SGCZ: variants seen among roughly 807,000 people sequenced by gnomAD.
The protein encoded by SGCZ is zeta-sarcoglycan.
A neutral mutation model predicts 41.3 loss-of-function variants in SGCZ; 40 were observed. The observed-to-expected ratio is 0.97, with a 90% CI of 0.75 to 1.26. The LOEUF is 1.26. Ranked by LOEUF, SGCZ falls within the 50% of genes most tolerant of loss-of-function variation. SGCZ has a pLI of 0.00. For synonymous variants in SGCZ, 206 were observed against 137.5 expected (o/e 1.50, Z -3.49); for missense variants, 552 against 369.8 (o/e 1.49, Z -4.04).
At chr8:15,081,140 A>G (rs1805733427) in intron 1 of SGCZ, among the ~76,000 whole-genome samples, 2 of 152,150 alleles carry the variant, frequency 1.3e-5, no homozygotes, top group Non-Finnish European at 1.5e-5. Context: ...CTCATATAGT[A>G]TGCTTCTCAA....
At chr8:15,149,608 TC>T (rs1799123008) in intron 1 of SGCZ, among the ~76,000 whole-genome samples, 2 of 150,568 alleles carry the variant, frequency 1.3e-5, no homozygotes, top group African/African-American at 4.9e-5. Flanking sequence ...ATATCATTTA[TC>T]ACTTACATCA....
At chr8:15,167,322 G>A (rs1047948400) in intron 1 of SGCZ, among the ~76,000 whole-genome samples, 1 of 152,206 alleles carries the variant, frequency 6.6e-6, no homozygotes, top group Non-Finnish European at 1.5e-5. Flanking sequence ...GCCGAGAAAA[G>A]CCTCATGGAG....
intron 2 of SGCZ, among the ~76,000 whole-genome samples, chr8:14,342,053 G>A (rs959655379): frequency 1.3e-5 from 2 of 152,184 alleles, no homozygotes; most frequent in Non-Finnish European, 2.9e-5. Flanking sequence ...GGAGGGCTCA[G>A]AAGAAGACAG....
intron 1 of SGCZ, among the ~76,000 whole-genome samples, chr8:14,652,544 C>T (rs1441595291): frequency 6.6e-6 from 1 of 151,842 alleles, no homozygotes; most frequent in Non-Finnish European, 1.5e-5. Flanking sequence ...GCAATTTGTT[C>T]AGTGAATTCC....
At chr8:14,815,766 A>T (rs1801884471) in intron 1 of SGCZ, among the ~76,000 whole-genome samples, 1 of 152,222 alleles carries the variant, frequency 6.6e-6, no homozygotes, top group African/African-American at 2.4e-5. Context: ...GCAATCTATT[A>T]TACTATCTGA....
chr8:15,013,592 A>C (rs1802915328), intron 1 of SGCZ, among the ~76,000 whole-genome samples: 1 of 152,154 alleles, frequency 6.6e-6, no homozygotes, highest in Admixed American at 6.5e-5. Context: ...GAAAGGCTGC[A>C]TGGTGTTGTG....
intron 4 of SGCZ, among the ~76,000 whole-genome samples, chr8:14,233,810 A>C (rs549938040): frequency 2.6e-5 from 4 of 151,748 alleles, no homozygotes; most frequent in Non-Finnish European, 4.4e-5. Flanking sequence ...AAAACATAAT[A>C]ATTATAGATT....
chr8:14,507,870 C>T (rs1369074122), intron 2 of SGCZ, among the ~76,000 whole-genome samples: 1 of 150,842 alleles, frequency 6.6e-6, no homozygotes, highest in African/African-American at 2.4e-5. Context: ...CTCCCAGATT[C>T]AAAGGATTCT....
intron 1 of SGCZ, among the ~76,000 whole-genome samples, chr8:14,696,724 T>A (rs905612119): frequency 3.3e-5 from 5 of 151,996 alleles, no homozygotes; most frequent in Non-Finnish European, 7.4e-5. Context: ...GTCTTGCCTA[T>A]TGTATGCTGC....
chr8:14,933,421 C>CTT (rs1346201288), intron 1 of SGCZ, among the ~76,000 whole-genome samples: 1 of 96,768 alleles, frequency 1.0e-5, no homozygotes. Flanking sequence ...ATTCCATATA[C>CTT]TTTTTTTTTC....
At chr8:14,746,366 GA>G (rs201312920) in intron 1 of SGCZ, among the ~76,000 whole-genome samples, 5,179 of 152,094 alleles carry the variant, frequency 0.034, 296 homozygotes, top group African/African-American at 0.12. Flanking sequence ...AGAAATACCT[GA>G]ATATGCTCAA....
intron 1 of SGCZ, among the ~76,000 whole-genome samples, chr8:14,860,489 A>C (rs535313488): frequency 6.6e-6 from 1 of 151,408 alleles, no homozygotes; most frequent in Non-Finnish European, 1.5e-5. Flanking sequence ...GAAGAGGAGA[A>C]AGAGAAAGAG....
chr8:15,142,456 A>C (rs1202430308), intron 1 of SGCZ, among the ~76,000 whole-genome samples: 1 of 152,084 alleles, frequency 6.6e-6, no homozygotes, highest in Non-Finnish European at 1.5e-5. Flanking sequence ...GTTTCTTTCA[A>C]GTCCTTTAAA....
At chr8:14,697,234 T>C (rs1808993196) in intron 1 of SGCZ, among the ~76,000 whole-genome samples, 1 of 152,074 alleles carries the variant, frequency 6.6e-6, no homozygotes, top group African/African-American at 2.4e-5. Context: ...AGAGTCACAA[T>C]GCTTGAATTC....
chr8:14,788,240 T>G (rs1800835608), intron 1 of SGCZ, among the ~76,000 whole-genome samples: 1 of 152,150 alleles, frequency 6.6e-6, no homozygotes, highest in Admixed American at 6.6e-5. Flanking sequence ...TGCAGTAATA[T>G]AGGGTGTCTG....
At position 14,443,452 on chromosome 8, in the gene SGCZ, C is replaced by T. The variant is rs536948901; in HGVS notation, c.234+111280G>A. ...TAACCAAAACAGCATGGTACTGGTA[C>T]CAAAACAGAGATATAGATCAATGGA... On this transcript the variant is annotated intron_variant, in intron 2 of 7. Transcript: ENST00000382080. 6.6e-5 allele frequency among the ~76,000 whole-genome samples: 10 copies of T among 152,076 alleles called. No homozygotes were observed. The East Asian group carries it at 1.9e-3, about 29-fold the overall frequency.
intron 5 of SGCZ, chr8:14,161,350 G>A (rs1354796039): frequency 6.6e-6 from 1 of 152,094 alleles, no homozygotes; most frequent in East Asian, 1.9e-4. Context: ...CTGCTATTCT[G>A]GTAAGGAGTA....
chr8:15,174,267 G>C (rs1284075210), intron 1 of SGCZ, among the ~76,000 whole-genome samples: 2 of 152,092 alleles, frequency 1.3e-5, no homozygotes, highest in Non-Finnish European at 2.9e-5. Context: ...AGATCAAATA[G>C]TTTTTTCATT....
At chr8:14,261,657 G>C (rs1257173295) in intron 3 of SGCZ, among the ~76,000 whole-genome samples, 1 of 152,108 alleles carries the variant, frequency 6.6e-6, no homozygotes, top group African/African-American at 2.4e-5. Context: ...TTTGACCAAA[G>C]AGTAACGTTG....
Sources: allele counts gnomAD v4.1 joint callset (sites outside exome capture counted in the v4.1 genomes callset), GRCh38; gene constraint gnomAD v4.1.1; transcripts MANE v1.5; gene names NCBI Gene and HGNC (gene_info 2026-07-23, HGNC 2026-07-21).